SLC12A4: variants seen among roughly 807,000 people sequenced by gnomAD.
SLC12A4 encodes the protein solute carrier family 12 member 4.
In SLC12A4, 84 loss-of-function variants were observed where a neutral mutation model predicts 119.2. The observed-to-expected ratio is 0.70, with a 90% CI of 0.59 to 0.85. The LOEUF (loss-of-function observed/expected upper bound fraction) is 0.85. Among genes scored for constraint, SLC12A4 ranks in the 40% least tolerant of loss-of-function variants. SLC12A4 has a pLI of 0.00. For missense variants in SLC12A4, 1,298 were observed against 1,476.3 expected, an observed-to-expected ratio of 0.88 and a Z score of 1.98; for synonymous variants, 599 against 604.6, an observed-to-expected ratio of 0.99 and a Z score of 0.14.
Position 67,943,738 on chromosome 16 carries a change from T to C in SLC12A4, c.*1102A>G, listed in dbSNP as rs1437221167. ...ACCCCGTCCCCCACTCCGCCCCCCC[T>C]GGGTTAGACAACTGAGAGTCACAGT... On this transcript the variant is annotated 3_prime_UTR_variant, in exon 24 of 24. Transcript: ENST00000316341. This position sits in a 1 kb window ranked among gnomAD's most constrained non-coding sequence, Gnocchi z 4.6. 3 of 576,394 alleles carry C rather than the reference T, an allele frequency of 5.2e-6. No individual in the cohort carries two copies. Among genetic ancestry groups the C allele is most frequent in the South Asian group, 2.4e-5 (1 of 41,270 alleles). The allele number at this position is 576,394 out of a possible 1,614,324, so 35.7% of individuals were successfully genotyped here.
chr16:67,945,733 C>T (rs977903292), intron 21 of SLC12A4, 31 bp downstream of exon 21: 10 of 1,595,802 alleles, frequency 6.3e-6, no homozygotes, highest in East Asian at 2.2e-5. Context: ...CCCTGCCACC[C>T]GCCCTGGCGT....
Position 67,951,947 on chromosome 16 carries a change from G to T in SLC12A4, c.1008C>A (p.Thr336=). The change falls in exon 8 of 24, where the codon ACC becomes ACA. Residue 336 remains threonine, a synonymous_variant. Transcript: ENST00000316341. The surrounding 1 kb of genome is among the most constrained non-coding windows in gnomAD (Gnocchi z 5.2). ...TGTGGCAGAAGAAACTCCATAGCTG[G>T]GTGGCCACTGTCTCATTGTCCACTA... The part of the protein sequence containing the change: ...TAVVDNETVA[T]QLWSFFCHSP... 6.2e-7 allele frequency: 1 copy of T among 1,614,036 alleles called. No homozygotes were observed. The highest frequency in any genetic ancestry group is 8.5e-7 in the Non-Finnish European group (1 of 1,180,010).
intron 5 of SLC12A4, among the ~76,000 whole-genome samples, chr16:67,955,744 C>T (rs1056872096): frequency 1.3e-5 from 2 of 151,792 alleles, no homozygotes; most frequent in Non-Finnish European, 2.9e-5. Context: ...CTAGGCGTGG[C>T]GGTGTGCACC....
upstream of SLC12A4, chr16:67,968,686 C>A: frequency 8.0e-7 from 1 of 1,250,054 alleles, no homozygotes; most frequent in Non-Finnish European, 1.0e-6. Flanking sequence ...CCTCCGCCCG[C>A]CCCCCGGGCC....
intron 1 of SLC12A4, chr16:67,964,082 G>A: frequency 6.5e-7 from 1 of 1,534,236 alleles, no homozygotes; most frequent in Middle Eastern, 1.9e-4. Flanking sequence ...GGGGCGTCCT[G>A]CAGGGCAGCC....
rs551091523 is a variant in SLC12A4, at chr16:67,954,995, G to A, written c.545-222C>T. On this transcript the variant is annotated intron_variant, in intron 5 of 23. Coordinates refer to ENST00000316341, the MANE Select transcript of SLC12A4 (RefSeq NM_005072.5). ...CTGACTCGAATGTCCAGCACGGCCC[G>A]TGGAAATAACTGCTTTGCGGGAGCA... is the stretch of plus-strand genomic sequence containing the variant. Among the ~76,000 whole-genome samples the A allele has an allele frequency of 3.3e-5, 5 of 152,344 alleles. No individual in the cohort carries two copies. In the South Asian group the frequency reaches 1.0e-3, roughly 32 times the overall value.
At position 67,945,380 on chromosome 16, in the gene SLC12A4, C is replaced by T; in HGVS notation, c.3021G>A (p.Val1007=). 7.4e-6 allele frequency: 12 copies of T among 1,613,522 alleles called. No individual in the cohort carries two copies. The highest frequency in any genetic ancestry group is 1.0e-5 in the Non-Finnish European group (12 of 1,179,680). ...SHAPDNFREL[V]HIKPDQSNVR... is the part of the protein sequence containing the mutation. Reference sequence around the variant, plus strand: ...TTTGCTGCACTCACGGCTTAATGTGCACCAGCTCCCGGAAATTGTCAGGGG... The same window carrying T: ...TTTGCTGCACTCACGGCTTAATGTGTACCAGCTCCCGGAAATTGTCAGGGG... The change falls in exon 22 of 24, where the codon GTG becomes GTA. Residue 1007 remains valine (V), a synonymous_variant. Coordinates refer to ENST00000316341, the MANE Select transcript of SLC12A4 (RefSeq NM_005072.5).
In SLC12A4 at chr16:67,963,703, A is replaced by T. The variant is rs2030705939; in HGVS notation, c.116-144T>A. 3.9e-5 allele frequency: 32 copies of T among 826,800 alleles called. No individual in the cohort carries two copies. In the South Asian group the frequency reaches 5.7e-4, roughly 15 times the overall value. 51.2% of individuals were successfully genotyped at this position (826,800 alleles called of 1,614,324 possible). A position where few individuals can be genotyped will look rare whatever the true frequency, so the allele number is the denominator to read the frequency against. ...GGTTGCAACTCAGTTTTCACATGGC[A>T]CCGTGCCAATGCTCTTGAAGGCCCA... On this transcript the variant is annotated intron_variant, in intron 1 of 23. Coordinates refer to ENST00000316341, the MANE Select transcript of SLC12A4 (RefSeq NM_005072.5).
At chr16:67,945,005 A>AGG in intron 23 of SLC12A4, 74 bp from the exon 24 acceptor site, 1 of 1,606,554 alleles carries the variant, frequency 6.2e-7, no homozygotes, top group Non-Finnish European at 8.5e-7. Context: ...ATGCCCACCC[A>AGG]GGGGTGCCCA....
chr16:67,949,566 A>G lies in SLC12A4; in HGVS notation c.1748+234T>C. On this transcript the variant is annotated intron_variant, in intron 13 of 23. Transcript: ENST00000316341. This position sits in a 1 kb window ranked among gnomAD's most constrained non-coding sequence, Gnocchi z 4.6. ...TGTCCAGTGGGAAGGTCTGCCGGCC[A>G]CCTGCTCTGGGGGCCTCAGGGAGGT... The G allele has an allele frequency of 4.7e-6, 2 of 428,950 alleles. No homozygotes were observed. Among genetic ancestry groups the G allele is most frequent in the Admixed American group, 8.9e-5 (2 of 22,556 alleles). The allele number at this position is 428,950 out of a possible 1,614,324, so 26.6% of individuals were successfully genotyped here. A position where few individuals can be genotyped will look rare whatever the true frequency, so the allele number is the denominator to read the frequency against.
Position 67,945,205 on chromosome 16 carries a change from C to T in SLC12A4, c.3048G>A (p.Val1016=). The change falls in exon 23 of 24, where the codon GTG becomes GTA. Residue 1016 remains valine, a synonymous_variant. Transcript: ENST00000316341. ...LVHIKPDQSN[V]RRMHTAVKLN... The stretch of plus-strand genomic sequence containing the variant: ...GCTTCACAGCAGTGTGCATGCGCCG[C>T]ACATTGGATTGGTCCCTACACGTAG... 1.9e-6 allele frequency: 3 copies of T among 1,561,432 alleles called. No homozygotes were observed. Among genetic ancestry groups the T allele is most frequent in the East Asian group, 2.3e-5 (1 of 44,390 alleles).
At chr16:67,952,591 G>C (rs559123703) in intron 6 of SLC12A4, among the ~76,000 whole-genome samples, 166 bp from the exon 7 acceptor site, 3 of 151,584 alleles carry the variant, frequency 2.0e-5, no homozygotes, top group Non-Finnish European at 4.4e-5. Context: ...TTGAGGTCAG[G>C]AGATCATGAC....
intron 17 of SLC12A4, 139 bp downstream of exon 17, chr16:67,946,798 C>T: frequency 8.1e-6 from 10 of 1,241,250 alleles, no homozygotes; most frequent in African/African-American, 1.5e-5. Flanking sequence ...TGCTGGCTCC[C>T]CCTTGTGCCA....
chr16:67,968,495 A>G lies in SLC12A4; in HGVS notation c.59T>C (p.Leu20Pro). The change falls in exon 1 of 24, where the codon CTC becomes CCC. Residue 20 changes from leucine to proline, a missense_variant. Physicochemically the swap from Leu to Pro is moderately conservative, Grantham distance 98. Transcript: ENST00000316341. ...DGPRRGDYDN[L>P]EGLSWVDYGE... The stretch of plus-strand genomic sequence containing the variant: ...GTAGTCCACCCAACTGAGCCCCTCG[A>G]GGTTGTCATAGTCGCCGCGCCTCGG... 6.3e-7 allele frequency: 1 copy of G among 1,586,494 alleles called. No homozygotes were observed. Among genetic ancestry groups the G allele is most frequent in the South Asian group, 1.1e-5 (1 of 88,480 alleles).
In SLC12A4 at chr16:67,945,503, GT is replaced by G; in HGVS notation, c.2897del (p.Tyr966SerfsTer17). ...CTGCAGACTCATCTTCCTCGTCCGA[GT>G]ACAGGCTCTCCAGCCGCAGGGCCGA... ...RHSALRLESL[Y>X]SDEEDESAVG... On this transcript the variant is annotated frameshift_variant, in exon 22 of 24. Transcript: ENST00000316341. LOFTEE classifies it high-confidence loss of function. 1 of 1,614,054 alleles carries G rather than the reference GT, an allele frequency of 6.2e-7. No homozygotes were observed. The highest frequency in any genetic ancestry group is 8.5e-7 in the Non-Finnish European group (1 of 1,180,006).
Position 67,957,571 on chromosome 16 carries a change from C to T in SLC12A4, c.544+171G>A, listed in dbSNP as rs562389163. On this transcript the variant is annotated intron_variant, in intron 5 of 23. Coordinates refer to ENST00000316341, the MANE Select transcript of SLC12A4 (RefSeq NM_005072.5). ...TAACAAAAACCACAATGGCACTCTC[C>T]AACTCTGTCAAGCAGGAAAGCTCCT... 3.5e-5 allele frequency: 24 copies of T among 680,438 alleles called. No homozygotes were observed. In the South Asian group the frequency reaches 4.4e-4, roughly 12 times the overall value. The allele number at this position is 680,438 out of a possible 1,614,324, so 42.2% of individuals were successfully genotyped here. A position where few individuals can be genotyped will look rare whatever the true frequency, so the allele number is the denominator to read the frequency against.
At position 67,950,511 on chromosome 16, in the gene SLC12A4, G is replaced by A. The variant is rs1385879929; in HGVS notation, c.1455-18C>T. On this transcript the variant is annotated intron_variant, in intron 11 of 23. Coordinates refer to ENST00000316341, the MANE Select transcript of SLC12A4 (RefSeq NM_005072.5). This position sits in a 1 kb window ranked among gnomAD's most constrained non-coding sequence, Gnocchi z 4.3. ...CGCCATACCTGCAGGGGCCACCAGAGTGAGGGATGTCAGGGGTCCGGAAGG... is the reference window on the plus strand; with the variant it reads ...CGCCATACCTGCAGGGGCCACCAGAATGAGGGATGTCAGGGGTCCGGAAGG... The A allele has an allele frequency of 1.2e-6, 2 of 1,613,688 alleles. No homozygotes were observed. The highest frequency in any genetic ancestry group is 1.7e-5 in the Admixed American group (1 of 60,002).
chr16:67,966,795 G>C (rs1475268733), intron 1 of SLC12A4: 2 of 1,551,134 alleles, frequency 1.3e-6, no homozygotes, highest in Admixed American at 3.9e-5. Flanking sequence ...GCCAAGGTCT[G>C]GCTGGAAAGG....
At chr16:67,964,502 C>T (rs2030772818) in intron 1 of SLC12A4, among the ~76,000 whole-genome samples, 1 of 152,016 alleles carries the variant, frequency 6.6e-6, no homozygotes, top group South Asian at 2.1e-4. Context: ...CCAAGCAGAA[C>T]GCCAAGCACT....
Sources: allele counts gnomAD v4.1 joint callset (sites outside exome capture counted in the v4.1 genomes callset), GRCh38; gene constraint gnomAD v4.1.1; non-coding constraint Gnocchi (gnomAD v3.1); transcripts MANE v1.5; gene names NCBI Gene and HGNC (gene_info 2026-07-23, HGNC 2026-07-21).